The following PFKFB1 variants were observed in gnomAD, a reference collection of about 807,000 sequenced individuals.
PFKFB1 encodes the protein 6-phosphofructo-2-kinase/fructose-2,6-bisphosphatase 1.
In PFKFB1, 34 loss-of-function variants were observed where a neutral mutation model predicts 46.4. That is an observed-to-expected ratio of 0.73 (90% CI 0.56 to 0.98). PFKFB1 has a LOEUF of 0.98. Ranked by LOEUF, PFKFB1 falls within the 50% of genes least tolerant of loss-of-function variation. The pLI is 0.00. For synonymous variants in PFKFB1, 119 were observed against 133.8 expected, an observed-to-expected ratio of 0.89 and a Z score of 0.76; for missense variants, 393 against 376.3, an observed-to-expected ratio of 1.04 and a Z score of -0.37.
chrX:54,966,412 T>C (rs777468713), intron 1 of PFKFB1, among the ~76,000 whole-genome samples: 1 of 112,363 alleles, frequency 8.9e-6, no homozygotes, highest in South Asian at 3.7e-4. Flanking sequence ...TTCAACATGG[T>C]GTGCAATCCA....
intron 11 of PFKFB1, among the ~76,000 whole-genome samples, chrX:54,935,278 C>T (rs918886405): frequency 8.0e-5 from 9 of 111,873 alleles, no homozygotes; most frequent in African/African-American, 1.3e-4. Flanking sequence ...ACCCTGGAGA[C>T]GGCCACCACC....
At chrX:54,939,663 G>A (rs1232073399) in intron 10 of PFKFB1, among the ~76,000 whole-genome samples, 1 of 111,622 alleles carries the variant, frequency 9.0e-6, no homozygotes, top group Non-Finnish European at 1.9e-5. Flanking sequence ...TAAATTCCTG[G>A]ACACATACAC....
At chrX:54,983,562 C>T (rs1036202325) in intron 1 of PFKFB1, among the ~76,000 whole-genome samples, 4 of 112,296 alleles carry the variant, frequency 3.6e-5, no homozygotes, top group Non-Finnish European at 3.8e-5. Flanking sequence ...TTTATCCAGT[C>T]TATCACTGAT....
chrX:54,974,167 G>A (rs1341852196), intron 1 of PFKFB1, among the ~76,000 whole-genome samples: 4 of 111,322 alleles, frequency 3.6e-5, no homozygotes, highest in Non-Finnish European at 7.6e-5. Flanking sequence ...AAAACAATTT[G>A]CAAAATAAAA....
At chrX:54,995,459 C>A (rs1311423044), upstream of PFKFB1, among the ~76,000 whole-genome samples, 1 of 112,303 alleles carries the variant, frequency 8.9e-6, no homozygotes, top group East Asian at 2.8e-4. Context: ...ATAAATCATA[C>A]CAAATTTTTA....
chrX:54,949,468 C>T (rs892180648), intron 8 of PFKFB1, among the ~76,000 whole-genome samples: 13 of 109,401 alleles, frequency 1.2e-4, no homozygotes, highest in South Asian at 4.0e-4. Context: ...GCTTATTTGA[C>T]GATTGCTCAC....
At chrX:54,997,830 C>A (rs968722893), upstream of PFKFB1, among the ~76,000 whole-genome samples, 1 of 112,091 alleles carries the variant, frequency 8.9e-6, no homozygotes, top group Non-Finnish European at 1.9e-5. Flanking sequence ...AGACTATAGT[C>A]GCACAGCAGC....
chrX:54,933,110 A>T lies in PFKFB1; in HGVS notation c.*293T>A, dbSNP rs2146580905. On this transcript the variant is annotated 3_prime_UTR_variant, in exon 14 of 14. Coordinates refer to ENST00000375006, the MANE Select transcript of PFKFB1 (RefSeq NM_002625.4). ...GCAGAGCTGGGTCAGGATTAGGGTC[A>T]GTACCTTGAGAACAACTGGAAAAGC... 3.0e-6 allele frequency: 1 copy of T among 330,717 alleles called. No homozygotes were observed. Among genetic ancestry groups the T allele is most frequent in the East Asian group, 5.5e-5 (1 of 18,161 alleles). The allele number at this position is 330,717 out of a possible 1,213,427, so 27.3% of individuals were successfully genotyped here.
chrX:54,981,456 T>C (rs1281780873), intron 1 of PFKFB1, among the ~76,000 whole-genome samples: 2 of 111,480 alleles, frequency 1.8e-5, no homozygotes, highest in South Asian at 3.7e-4. Flanking sequence ...AAATAACTTT[T>C]AACCCAGAAT....
chrX:54,959,027 T>TAGAACTTG, intron 4 of PFKFB1, 102 bp from the exon 5 acceptor site: 2 of 531,216 alleles, frequency 3.8e-6, no homozygotes. Context: ...CATATGGAGG[T>TAGAACTTG]AGAACTTGAA....
At position 54,993,936 on chromosome X, in the gene PFKFB1, G is replaced by A. The variant is rs1216892779; in HGVS notation, c.72C>T (p.Ser24=). The A allele has an allele frequency of 8.3e-7, 1 of 1,206,364 alleles. No homozygotes were observed. The highest frequency in any genetic ancestry group is 1.1e-6 in the Non-Finnish European group (1 of 892,861). ...AGCCCCTTCTCCGTTGCAGCCTGCTGCTGCCGCTGCTGTGTGGAATCCAGA... is the reference window on the plus strand; with the variant it reads ...AGCCCCTTCTCCGTTGCAGCCTGCTACTGCCGCTGCTGTGTGGAATCCAGA... ...QKIWIPHSSG[S]SRLQRRRGSS... The change falls in exon 1 of 14, where the codon AGC becomes AGT. Residue 24 remains serine, a synonymous_variant. Coordinates refer to ENST00000375006, the MANE Select transcript of PFKFB1 (RefSeq NM_002625.4).
intron 11 of PFKFB1, among the ~76,000 whole-genome samples, chrX:54,936,472 G>A (rs1045026272): frequency 1.8e-5 from 2 of 111,550 alleles, no homozygotes; most frequent in African/African-American, 6.5e-5. Flanking sequence ...TCTGAGACGG[G>A]AAGTCCTCTG....
intron 1 of PFKFB1, among the ~76,000 whole-genome samples, chrX:54,969,025 GAA>G (rs1218708908): frequency 3.6e-5 from 4 of 111,596 alleles, no homozygotes; most frequent in Non-Finnish European, 5.7e-5. Flanking sequence ...TATACCACAA[GAA>G]AGCACGGTTT....
In PFKFB1 at chrX:54,937,659, T is replaced by A; in HGVS notation, c.1164A>T (p.Val388=). The A allele has an allele frequency of 2.5e-6, 3 of 1,206,191 alleles. No individual in the cohort carries two copies. Among genetic ancestry groups the A allele is most frequent in the Non-Finnish European group, 3.4e-6 (3 of 890,369 alleles). The change falls in exon 11 of 14, where the codon GTA becomes GTT. Residue 388 remains valine (V), a synonymous_variant. Transcript: ENST00000375006. ...TGACAGCCTGGTGGCAGATCACCAG[T>A]ACATTCTCCTGTCGTTCTAGCTCCA... ...VIMELERQEN[V]LVICHQAVMR...
upstream of PFKFB1, among the ~76,000 whole-genome samples, chrX:54,995,414 C>G (rs1396278245): frequency 8.9e-6 from 1 of 112,308 alleles, no homozygotes; most frequent in Non-Finnish European, 1.9e-5. Flanking sequence ...AAGCCGTAGT[C>G]TACACAAGGG....
At chrX:54,953,354 C>T (rs752971831) in intron 7 of PFKFB1, among the ~76,000 whole-genome samples, 1 of 112,254 alleles carries the variant, frequency 8.9e-6, no homozygotes, top group African/African-American at 3.2e-5. Flanking sequence ...ATGGCTGCAC[C>T]ACACTCATCA....
chrX:54,975,554 C>T (rs773426407), intron 1 of PFKFB1, among the ~76,000 whole-genome samples: 12 of 110,810 alleles, frequency 1.1e-4, no homozygotes, highest in African/African-American at 3.9e-4. Context: ...GTGACGGATG[C>T]ACCAAAATCT....
intron 1 of PFKFB1, among the ~76,000 whole-genome samples, chrX:54,990,369 T>G (rs1390430575): frequency 1.8e-5 from 2 of 110,991 alleles, no homozygotes; most frequent in African/African-American, 6.5e-5. Context: ...AGATAAGAAC[T>G]TTACACAAAA....
At chrX:54,950,415 G>A (rs1211425346) in intron 8 of PFKFB1, among the ~76,000 whole-genome samples, 1 of 111,977 alleles carries the variant, frequency 8.9e-6, no homozygotes, top group Non-Finnish European at 1.9e-5. Flanking sequence ...GATAGTGGAT[G>A]GGGAGCACCC....
Sources: allele counts gnomAD v4.1 joint callset (sites outside exome capture counted in the v4.1 genomes callset), GRCh38; gene constraint gnomAD v4.1.1; transcripts MANE v1.5; gene names NCBI Gene and HGNC (gene_info 2026-07-23, HGNC 2026-07-21).